Variants in ZC3H11A observed in about 807,000 individuals in gnomAD.
ZC3H11A encodes the protein zinc finger CCCH domain-containing protein 11A.
Under a neutral mutation model 90.8 loss-of-function variants are expected in ZC3H11A, and 22 were observed. The ratio of observed to expected loss-of-function variants is 0.24; its 90% confidence interval spans 0.17 to 0.35. ZC3H11A has a LOEUF of 0.35. Among genes scored for constraint, ZC3H11A ranks in the 10% least tolerant of loss-of-function variants. The pLI, the probability that ZC3H11A is intolerant of heterozygous loss-of-function variation, is 1.00. For missense variants in ZC3H11A, 701 were observed against 964.9 expected (o/e 0.73, Z 3.62); for synonymous variants, 294 against 339.8 (o/e 0.87, Z 1.48).
chr1:203,810,895 T>C (rs1674244604), intron 2 of ZC3H11A, among the ~76,000 whole-genome samples: 1 of 150,882 alleles, frequency 6.6e-6, no homozygotes, highest in South Asian at 2.1e-4. Context: ...CTTTGAGAGG[T>C]TGAGGCGGGC....
intron 2 of ZC3H11A, chr1:203,806,115 C>G: frequency 2.0e-6 from 1 of 501,144 alleles, no homozygotes; most frequent in Non-Finnish European, 4.0e-6. Flanking sequence ...GACCCCCTCT[C>G]ATCTTGATCT....
chr1:203,797,636 TGAA>T (rs1445818558), intron 1 of ZC3H11A: 18 of 1,535,686 alleles, frequency 1.2e-5, no homozygotes, highest in African/African-American at 4.1e-5. Flanking sequence ...CTAATACAGA[TGAA>T]GAAGATGTGG....
At chr1:203,830,646 A>G (rs1681941676) in intron 8 of ZC3H11A, among the ~76,000 whole-genome samples, 1 of 152,062 alleles carries the variant, frequency 6.6e-6, no homozygotes, top group Non-Finnish European at 1.5e-5. Context: ...CCCCGTCTCT[A>G]CTAAAACAAA....
intron 2 of ZC3H11A, among the ~76,000 whole-genome samples, chr1:203,804,968 C>T (rs974890984): frequency 4.6e-5 from 7 of 151,950 alleles, no homozygotes; most frequent in African/African-American, 9.6e-5. Context: ...CTATTGTGCC[C>T]GGCCTGTCTC....
At chr1:203,825,958 A>G (rs560985287) in intron 4 of ZC3H11A, among the ~76,000 whole-genome samples, 47 of 152,348 alleles carry the variant, frequency 3.1e-4, no homozygotes, top group African/African-American at 1.1e-3. Context: ...AAACAGATCA[A>G]ATAAATGTCA....
intron 2 of ZC3H11A, among the ~76,000 whole-genome samples, chr1:203,815,379 CTTTTTT>C (rs397711285): frequency 1.0e-5 from 1 of 96,914 alleles, no homozygotes; most frequent in Non-Finnish European, 1.9e-5. Context: ...CCACACCCAG[CTTTTTT>C]TTTTTTTTTT....
chr1:203,810,240 T>A (rs56311694), intron 2 of ZC3H11A, among the ~76,000 whole-genome samples: 26,486 of 151,868 alleles, frequency 0.17, 2,429 homozygotes, highest in Middle Eastern at 0.25. Context: ...TCTCTCAAAG[T>A]GTTAGGATTA....
chr1:203,850,570 A>G lies in ZC3H11A; in HGVS notation c.1995A>G (p.Lys665=). 8 of 1,613,950 alleles carry G rather than the reference A, an allele frequency of 5.0e-6. No homozygotes were observed. Among genetic ancestry groups the G allele is most frequent in the Non-Finnish European group, 5.9e-6 (7 of 1,179,908 alleles). The change falls in exon 16 of 18, where the codon AAA becomes AAG. Residue 665 remains lysine, a synonymous_variant. Coordinates refer to ENST00000367210, the MANE Select transcript of ZC3H11A (RefSeq NM_001376342.1). ...PSVVKVVSSP[K]LAPKRKAVEM... ...TGGTTAAAGTTGTGTCATCCCCCAA[A>G]TTGGCCCCAAAACGTAAGGCAGTGG...
chr1:203,818,811 TG>T, intron 4 of ZC3H11A, 122 bp downstream of exon 4: 1 of 1,453,144 alleles, frequency 6.9e-7, no homozygotes, highest in Non-Finnish European at 9.2e-7. Flanking sequence ...GGCTCATGCC[TG>T]TAGTTCCAGC....
At position 203,802,714 on chromosome 1, in the gene ZC3H11A, C is replaced by CTTTTTTTTTTTTTTTTTTTTT. The variant is rs150416242; in HGVS notation, c.-439_-438insTTTTTTTTTTTTTTTTTTTTT. 3.0e-5 allele frequency: 4 copies of CTTTTTTTTTTTTTTTTTTTTT among 131,646 alleles called. No homozygotes were observed. The highest frequency in any genetic ancestry group is 3.3e-5 in the Non-Finnish European group (2 of 60,916). 8.2% of individuals were successfully genotyped at this position (131,646 alleles called of 1,614,324 possible). ...TCTCAAGTTCATCTTTAAATGAACT[C>CTTTTTTTTTTTTTTTTTTTTT]TTTTTTTTTGTTTTTTTTTTGTTTT... On this transcript the variant is annotated 5_prime_UTR_variant, in exon 2 of 18. Transcript: ENST00000367210.
chr1:203,848,546 T>G, intron 14 of ZC3H11A, 139 bp downstream of exon 14: 1 of 673,370 alleles, frequency 1.5e-6, no homozygotes, highest in South Asian at 2.1e-5. Context: ...TAATTTCTTA[T>G]GAGAATTTCC....
chr1:203,826,317 A>G lies in ZC3H11A; in HGVS notation c.175-1982A>G, dbSNP rs1680503823. Among the ~76,000 whole-genome samples, 3 of 151,608 alleles carry G rather than the reference A, an allele frequency of 2.0e-5. No individual in the cohort carries two copies. The South Asian group carries it at 6.2e-4, about 31-fold the overall frequency. The stretch of plus-strand genomic sequence containing the variant: ...CCCACAGTAGCCTATACTTTTAAAA[A>G]ATATTATACTTTTAGAAAATATCAA... On this transcript the variant is annotated intron_variant, in intron 4 of 17. Coordinates refer to ENST00000367210, the MANE Select transcript of ZC3H11A (RefSeq NM_001376342.1).
intron 2 of ZC3H11A, among the ~76,000 whole-genome samples, chr1:203,809,427 C>T (rs1023657859): frequency 5.3e-5 from 8 of 151,836 alleles, no homozygotes; most frequent in South Asian, 2.1e-4. Context: ...CGCCCATCTC[C>T]GAAATCCCAG....
chr1:203,847,327 A>G lies in ZC3H11A; in HGVS notation c.1186A>G (p.Arg396Gly). The change falls in exon 13 of 18, where the codon AGA becomes GGA. Residue 396 changes from arginine to glycine, a missense_variant. Arg to Gly is a moderately radical substitution (Grantham distance 125, BLOSUM62 -2). This residue lies in a region of ZC3H11A where 530 missense variants were observed against 696.2 expected (regional missense o/e 0.76). Transcript: ENST00000367210. ...AACTGATGATTCTACTTCAGGAGCAAGAAGCTCCTCCACTATCCGTATCAA... is the reference window on the plus strand; with the variant it reads ...AACTGATGATTCTACTTCAGGAGCAGGAAGCTCCTCCACTATCCGTATCAA... ...SKTDDSTSGA[R>G]SSSTIRIKTF... 6.2e-7 allele frequency: 1 copy of G among 1,614,008 alleles called. No homozygotes were observed. Among genetic ancestry groups the G allele is most frequent in the Non-Finnish European group, 8.5e-7 (1 of 1,179,872 alleles).
intron 2 of ZC3H11A, among the ~76,000 whole-genome samples, chr1:203,809,012 T>G (rs541026319): frequency 3.6e-4 from 55 of 151,888 alleles, no homozygotes; most frequent in Non-Finnish European, 1.2e-4. Context: ...GTATTTTTAG[T>G]AGAGACAGGA....
chr1:203,828,476 A>C, intron 5 of ZC3H11A, 54 bp downstream of exon 5: 1 of 1,551,534 alleles, frequency 6.4e-7, no homozygotes, highest in Non-Finnish European at 8.7e-7. Flanking sequence ...TATTATGCAC[A>C]CTGTACAACA....
At chr1:203,829,385 A>G (rs1681546586) in intron 5 of ZC3H11A, 66 bp from the exon 6 acceptor site, 4 of 1,539,438 alleles carry the variant, frequency 2.6e-6, no homozygotes, top group Non-Finnish European at 3.6e-6. Context: ...ATAGGTGGTC[A>G]GGAATTTTTG....
chr1:203,804,708 C>T (rs747923404), intron 2 of ZC3H11A, among the ~76,000 whole-genome samples: 6 of 142,190 alleles, frequency 4.2e-5, no homozygotes, highest in Non-Finnish European at 6.0e-5. Flanking sequence ...GTATTGCTCT[C>T]GTTGCCTAGG....
intron 9 of ZC3H11A, 92 bp from the exon 10 acceptor site, chr1:203,833,699 A>T: frequency 1.0e-6 from 1 of 974,652 alleles, no homozygotes; most frequent in South Asian, 2.5e-5. Context: ...GTGGATTTAC[A>T]CTAATATCAG....
Sources: gnomAD v4.1 joint callset for allele counts (sites outside exome capture counted in the v4.1 genomes callset) on GRCh38, gnomAD v4.1.1 for gene constraint, gnomAD v4.1.1 regional missense constraint, MANE v1.5 for transcripts, NCBI Gene and HGNC (gene_info 2026-07-23, HGNC 2026-07-21) for gene names.